ZSWIM5: variants seen among roughly 807,000 people sequenced by gnomAD.
ZSWIM5 encodes the protein zinc finger SWIM-type containing 5, also known as zinc finger SWIM domain-containing protein 5.
In ZSWIM5, 55 loss-of-function variants were observed where a neutral mutation model predicts 119.6. The ratio of observed to expected loss-of-function variants is 0.46; its 90% CI spans 0.37 to 0.58. The LOEUF is 0.58. Ranked by LOEUF, ZSWIM5 falls within the 20% of genes least tolerant of loss-of-function variation. The pLI is 0.00. For synonymous variants in ZSWIM5, 537 were observed against 606.9 expected (o/e 0.88, Z 1.69); for missense variants, 1,193 against 1,512.8 (o/e 0.79, Z 3.51).
At chr1:45,162,419 C>T (rs346726) in intron 1 of ZSWIM5, among the ~76,000 whole-genome samples, 9,541 of 152,256 alleles carry the variant, frequency 0.063, 348 homozygotes, top group East Asian at 0.11. Flanking sequence ...ATGCAGAAGA[C>T]GGGTGATTTC....
At chr1:45,063,009 T>G (rs1215464295) in intron 2 of ZSWIM5, among the ~76,000 whole-genome samples, 2 of 152,148 alleles carry the variant, frequency 1.3e-5, no homozygotes, top group Admixed American at 6.5e-5. Context: ...GTGTCTACTG[T>G]CCCCATCTTT....
At chr1:45,116,745 G>GC (rs1557770975) in intron 1 of ZSWIM5, among the ~76,000 whole-genome samples, 1 of 151,142 alleles carries the variant, frequency 6.6e-6, no homozygotes, top group East Asian at 1.9e-4. Flanking sequence ...TAGGACTTTT[G>GC]TTTTTTTTTA....
chr1:45,024,336 C>T (rs12239165), intron 11 of ZSWIM5, among the ~76,000 whole-genome samples: 38,192 of 150,864 alleles, frequency 0.25, 5,051 homozygotes, highest in Admixed American at 0.34. Flanking sequence ...GGATTACAGG[C>T]GTGCGCCACC....
At chr1:45,030,722 C>T (rs1359658580) in intron 11 of ZSWIM5, among the ~76,000 whole-genome samples, 1 of 151,734 alleles carries the variant, frequency 6.6e-6, no homozygotes, top group Non-Finnish European at 1.5e-5. Flanking sequence ...TGATATTGGT[C>T]ATTTCTGCCT....
At chr1:45,038,730 G>A (rs557013578) in intron 8 of ZSWIM5, among the ~76,000 whole-genome samples, 2 of 149,576 alleles carry the variant, frequency 1.3e-5, no homozygotes, top group South Asian at 2.1e-4. Context: ...CCTCAGCCCC[G>A]AAGTAGCTGG....
rs189323143 is a variant in ZSWIM5 at position 45,019,300 on chromosome 1, C to A, written c.2712G>T (p.Val904=). ...CATEVGVRAL[V]SILQSWYTLF... ...GTGTGTACCAGCTCTGCAAGATGCT[C>A]ACCAGGGCCCGCACACCTGTCAGGG... Residue 904 remains valine, a synonymous_variant, in exon 14 of 14, where the codon GTG becomes GTT. Transcript: ENST00000359600. The surrounding 1 kb of genome is among the most constrained non-coding windows in gnomAD (Gnocchi z 5.0). 1.2e-5 allele frequency: 20 copies of A among 1,610,770 alleles called. No individual in the cohort carries two copies. The African/African-American group carries it at 2.4e-4, about 19-fold the overall frequency.
chr1:45,123,528 G>A (rs943290787), intron 1 of ZSWIM5, among the ~76,000 whole-genome samples: 1 of 152,106 alleles, frequency 6.6e-6, no homozygotes, highest in African/African-American at 2.4e-5. Context: ...TAAACTTGAA[G>A]ACAGAATAAC....
intron 1 of ZSWIM5, among the ~76,000 whole-genome samples, chr1:45,191,464 C>T (rs1253868729): frequency 6.6e-6 from 1 of 152,186 alleles, no homozygotes; most frequent in African/African-American, 2.4e-5. Flanking sequence ...ATACCCCACC[C>T]AGGGTTATGC....
chr1:45,024,207 TGAGACGGAGTCTCGGTC>T (rs1644906814), intron 11 of ZSWIM5, among the ~76,000 whole-genome samples: 1 of 150,006 alleles, frequency 6.7e-6, no homozygotes, highest in African/African-American at 2.4e-5. Context: ...TTTTTTTTTT[TGAGACGGAGTCTCGGTC>T]TTGTCGCCCA....
At chr1:45,034,531 G>C (rs968047755) in intron 10 of ZSWIM5, 62 bp from the exon 11 acceptor site, 32 of 1,528,622 alleles carry the variant, frequency 2.1e-5, no homozygotes, top group Non-Finnish European at 2.5e-5. Flanking sequence ...AGCCACCTTA[G>C]AGAAGCTTGC....
chr1:45,128,608 C>T (rs748487054), intron 1 of ZSWIM5, among the ~76,000 whole-genome samples: 5 of 152,170 alleles, frequency 3.3e-5, no homozygotes, highest in Non-Finnish European at 7.4e-5. Context: ...CTCACATAAA[C>T]GTGCCAGCTA....
intron 1 of ZSWIM5, among the ~76,000 whole-genome samples, chr1:45,089,942 A>G (rs1645354707): frequency 6.6e-6 from 1 of 152,230 alleles, no homozygotes; most frequent in African/African-American, 2.4e-5. Context: ...CTAATTTCAC[A>G]GACTTTCCTG....
chr1:45,146,494 C>T (rs897619623), intron 1 of ZSWIM5, among the ~76,000 whole-genome samples: 26 of 120,656 alleles, frequency 2.2e-4, no homozygotes, highest in Non-Finnish European at 2.5e-4. Flanking sequence ...GGCTGGAGTG[C>T]AGTGGTGCAA....
At chr1:45,132,770 AC>A (rs1464754743) in intron 1 of ZSWIM5, among the ~76,000 whole-genome samples, 1 of 151,530 alleles carries the variant, frequency 6.6e-6, no homozygotes, top group Non-Finnish European at 1.5e-5. Context: ...CACTCCCCGC[AC>A]CCCACAACAG....
At chr1:45,096,480 GTA>G (rs1491490786) in intron 1 of ZSWIM5, among the ~76,000 whole-genome samples, 1 of 148,554 alleles carries the variant, frequency 6.7e-6, no homozygotes, top group Non-Finnish European at 1.5e-5. Context: ...GTGCATGTGT[GTA>G]TGTTTTTAAA....
rs6677457 is a variant in ZSWIM5, at chr1:45,167,851, C to T, written c.595+37905G>A. Among the ~76,000 whole-genome samples, 122 of 152,188 alleles carry T rather than the reference C, an allele frequency of 8.0e-4. 1 individual carries two copies. Among genetic ancestry groups the T allele is most frequent in the African/African-American group, 2.8e-3 (115 of 41,556 alleles). ...AGGTGCTGGAGAGGATGTGGAGAAACAGGAACACTTTTCCACTGTTGGTGG... is the reference window on the plus strand; with the variant it reads ...AGGTGCTGGAGAGGATGTGGAGAAATAGGAACACTTTTCCACTGTTGGTGG... On this transcript the variant is annotated intron_variant, in intron 1 of 13. Transcript: ENST00000359600.
At chr1:45,034,589 T>G (rs1003178801) in intron 10 of ZSWIM5, 120 bp from the exon 11 acceptor site, 70 of 1,243,496 alleles carry the variant, frequency 5.6e-5, no homozygotes, top group Non-Finnish European at 7.6e-5. Context: ...ACTAAGAGCT[T>G]TGAAGGTTTT....
intron 2 of ZSWIM5, among the ~76,000 whole-genome samples, chr1:45,065,039 G>T (rs1041435667): frequency 6.6e-6 from 1 of 152,170 alleles, no homozygotes; most frequent in Non-Finnish European, 1.5e-5. Context: ...TTTTCCCACA[G>T]TGAGGATAAT....
intron 1 of ZSWIM5, among the ~76,000 whole-genome samples, chr1:45,091,870 A>G (rs1645366102): frequency 6.6e-6 from 1 of 152,126 alleles, no homozygotes; most frequent in African/African-American, 2.4e-5. Flanking sequence ...ATCAATAATT[A>G]TCTTAGTAGG....
Sources: allele counts gnomAD v4.1 joint callset (sites outside exome capture counted in the v4.1 genomes callset), GRCh38; gene constraint gnomAD v4.1.1; non-coding constraint Gnocchi (gnomAD v3.1); transcripts MANE v1.5; gene names NCBI Gene and HGNC (gene_info 2026-07-23, HGNC 2026-07-21).